DOCK1: variants seen among roughly 807,000 people sequenced by gnomAD.
DOCK1 encodes dedicator of cytokinesis 1, also known as dedicator of cytokinesis protein 1.
In DOCK1, 138 loss-of-function variants were observed where a neutral mutation model predicts 262.7. The ratio of observed to expected loss-of-function variants is 0.53; its 90% CI spans 0.46 to 0.61. DOCK1 has a LOEUF of 0.61. Among genes scored for constraint, DOCK1 ranks in the 20% least tolerant of loss-of-function variants. The probability of loss-of-function intolerance (pLI) is 0.00; values close to 1 mark genes in which losing one functional copy is unlikely to be tolerated. For missense variants in DOCK1, 1,908 were observed against 2,370.7 expected, an observed-to-expected ratio of 0.80 and a Z score of 4.05; for synonymous variants, 866 against 867.4, an observed-to-expected ratio of 1.00 and a Z score of 0.03.
At chr10:127,436,393 C>CT (rs1279374409) in intron 48 of DOCK1, among the ~76,000 whole-genome samples, 4 of 152,118 alleles carry the variant, frequency 2.6e-5, no homozygotes, top group African/African-American at 9.7e-5. Context: ...TGGTGCATGC[C>CT]TGTAGTCTCA....
chr10:127,150,898 T>G (rs1253814113), intron 27 of DOCK1, among the ~76,000 whole-genome samples: 1 of 152,182 alleles, frequency 6.6e-6, no homozygotes, highest in African/African-American at 2.4e-5. Flanking sequence ...GAAACTGTAG[T>G]GGGGGTGCCA....
In DOCK1 at chr10:127,384,755, G is replaced by A. The variant is rs374298635; in HGVS notation, c.3808-35G>A. 2.2e-5 allele frequency: 34 copies of A among 1,513,250 alleles called. No homozygotes were observed. The African/African-American group carries it at 2.5e-4, about 11-fold the overall frequency. 93.7% of individuals were successfully genotyped at this position (1,513,250 alleles called of 1,614,324 possible). On this transcript the variant is annotated intron_variant, in intron 37 of 51. Coordinates refer to ENST00000623213, the MANE Select transcript of DOCK1 (RefSeq NM_001290223.2). ...CATTCTGACGTCCCTGGGTGTTTCC[G>A]CCTCGGGTCCGCTCATGCTATGCTT...
At chr10:127,388,086 T>C (rs2066242447) in intron 38 of DOCK1, among the ~76,000 whole-genome samples, 1 of 152,040 alleles carries the variant, frequency 6.6e-6, no homozygotes, top group East Asian at 1.9e-4. Flanking sequence ...TAGCCCAGAA[T>C]CCCTGTCGTG....
At chr10:127,106,713 C>T (rs183772253) in intron 24 of DOCK1, among the ~76,000 whole-genome samples, 533 of 151,926 alleles carry the variant, frequency 3.5e-3, no homozygotes, top group African/African-American at 0.012. Flanking sequence ...TGGGAGGGGC[C>T]CTGAGCCTCA....
intron 27 of DOCK1, among the ~76,000 whole-genome samples, chr10:127,152,023 A>G (rs7916921): frequency 3.5e-5 from 2 of 56,522 alleles, no homozygotes; most frequent in Non-Finnish European, 7.3e-5. Context: ...ATATATATAT[A>G]TTTTTTTTCG....
At chr10:126,941,912 A>G (rs1256453950) in intron 1 of DOCK1, among the ~76,000 whole-genome samples, 4 of 152,138 alleles carry the variant, frequency 2.6e-5, no homozygotes, top group Admixed American at 2.6e-4. Flanking sequence ...TGGGAAGATA[A>G]TTTTGCCAAT....
At chr10:127,222,234 A>T (rs1204130942) in intron 27 of DOCK1, among the ~76,000 whole-genome samples, 2 of 152,196 alleles carry the variant, frequency 1.3e-5, no homozygotes, top group Non-Finnish European at 2.9e-5. Flanking sequence ...CATTTCCAGC[A>T]TTTATTTTTA....
At chr10:127,326,180 G>A (rs2766057) in intron 29 of DOCK1, among the ~76,000 whole-genome samples, 102,217 of 152,038 alleles carry the variant, frequency 0.67, 35,872 homozygotes, top group African/African-American at 0.88. Flanking sequence ...GGCTATGACA[G>A]TTTTTTAAAA....
At chr10:126,997,098 CGTA>C (rs1056361403) in intron 7 of DOCK1, among the ~76,000 whole-genome samples, 1 of 152,078 alleles carries the variant, frequency 6.6e-6, no homozygotes, top group African/African-American at 2.4e-5. Flanking sequence ...TGTGTTTCAT[CGTA>C]GGAGACAGGA....
At position 126,995,372 on chromosome 10, in the gene DOCK1, ACT is replaced by A. The variant is rs1565042620; in HGVS notation, c.474-1373_474-1372del. On this transcript the variant is annotated intron_variant, in intron 6 of 51. Transcript: ENST00000623213. This position sits in a 1 kb window ranked among gnomAD's most constrained non-coding sequence, Gnocchi z 5.8. ...CAACACTGAGCACTGGGTGAGCAAG[ACT>A]CTGTCTGCAATCCCAGCACCTCGGG... Among the ~76,000 whole-genome samples, 5 of 152,128 alleles carry A rather than the reference ACT, an allele frequency of 3.3e-5. No homozygotes were observed. The highest frequency in any genetic ancestry group is 9.6e-5 in the African/African-American group (4 of 41,452).
chr10:127,424,693 GC>G (rs1218020160), intron 46 of DOCK1, among the ~76,000 whole-genome samples: 1 of 152,216 alleles, frequency 6.6e-6, no homozygotes, highest in Non-Finnish European at 1.5e-5. Flanking sequence ...CGGGGAAGCT[GC>G]CATCTGCACG....
At chr10:127,118,314 A>AT (rs906353480) in intron 25 of DOCK1, among the ~76,000 whole-genome samples, 1 of 151,918 alleles carries the variant, frequency 6.6e-6, no homozygotes, top group African/African-American at 2.4e-5. Flanking sequence ...TGTTTTCTGC[A>AT]TTTTTCTTGC....
chr10:127,110,836 T>C (rs1426069712), intron 25 of DOCK1, among the ~76,000 whole-genome samples: 8 of 152,240 alleles, frequency 5.3e-5, no homozygotes, highest in African/African-American at 1.9e-4. Context: ...CAGAACACTT[T>C]ATATTTCCCT....
At position 127,052,803 on chromosome 10, in the gene DOCK1, T is replaced by A. The variant is rs752173506; in HGVS notation, c.2324T>A (p.Ile775Asn). Residue 775 changes from isoleucine to asparagine, a missense_variant, in exon 22 of 52, where the codon ATC becomes AAC. By Grantham distance (149) the Ile-to-Asn change is moderately radical (BLOSUM62 -3). Coordinates refer to ENST00000623213, the MANE Select transcript of DOCK1 (RefSeq NM_001290223.2). The part of the protein sequence containing the change: ...SIFKFIVRSR[I>N]LFNQLYENKG... ...TTCAAGTTCATCGTGCGCTCCAGGA[T>A]CCTGTTCAATCAGTGCGTACCTATC... is the stretch of plus-strand genomic sequence containing the variant. 7 of 1,612,764 alleles carry A rather than the reference T, an allele frequency of 4.3e-6. No homozygotes were observed. Among genetic ancestry groups the A allele is most frequent in the Non-Finnish European group, 5.9e-6 (7 of 1,179,270 alleles).
chr10:127,424,339 A>C (rs2068689632), intron 46 of DOCK1, among the ~76,000 whole-genome samples: 1 of 152,232 alleles, frequency 6.6e-6, no homozygotes, highest in Admixed American at 6.5e-5. Context: ...CTCATCTGAC[A>C]AGTACCTTCT....
chr10:126,952,034 G>C (rs2134409725), intron 1 of DOCK1, among the ~76,000 whole-genome samples: 1 of 151,972 alleles, frequency 6.6e-6, no homozygotes, highest in East Asian at 1.9e-4. Flanking sequence ...ATTCTTAGTA[G>C]AGATGGGATT....
At chr10:126,997,234 A>T (rs965689196) in intron 7 of DOCK1, among the ~76,000 whole-genome samples, 1 of 152,214 alleles carries the variant, frequency 6.6e-6, no homozygotes, top group African/African-American at 2.4e-5. Context: ...CAGAGAGTAC[A>T]TGTCTTATTG....
intron 27 of DOCK1, among the ~76,000 whole-genome samples, chr10:127,128,730 T>C (rs1257100259): frequency 6.6e-6 from 1 of 152,190 alleles, no homozygotes; most frequent in African/African-American, 2.4e-5. Context: ...TCATTCTTTT[T>C]TATGGCTGCA....
intron 27 of DOCK1, chr10:127,154,068 C>T (rs1357523763): frequency 4.8e-6 from 3 of 629,942 alleles, no homozygotes; most frequent in African/African-American, 1.8e-5. Flanking sequence ...CCAGTTTGCT[C>T]CTGTCTCTGC....
Sources: gnomAD v4.1 joint callset for allele counts (sites outside exome capture counted in the v4.1 genomes callset) on GRCh38, gnomAD v4.1.1 for gene constraint, Gnocchi (gnomAD v3.1) non-coding constraint, MANE v1.5 for transcripts, NCBI Gene and HGNC (gene_info 2026-07-23, HGNC 2026-07-21) for gene names.